LINGO2: variants seen among roughly 807,000 people sequenced by gnomAD.
LINGO2 encodes leucine-rich repeat and immunoglobulin-like domain-containing nogo receptor-interacting protein 2.
A neutral mutation model predicts 30.6 loss-of-function variants in LINGO2; 14 were observed. That is an observed-to-expected ratio of 0.46 (90% CI 0.30 to 0.72). The LOEUF (loss-of-function observed/expected upper bound fraction) is 0.72, where lower values mean the gene tolerates loss of function less well. LINGO2 is among the 30% of genes least tolerant of loss of function. The pLI, the probability that LINGO2 is intolerant of heterozygous loss-of-function variation, is 0.07. For synonymous variants in LINGO2, 317 were observed against 288.5 expected (o/e 1.10, Z -1.00); for missense variants, 729 against 751.7 (o/e 0.97, Z 0.35).
intron 1 of LINGO2, among the ~76,000 whole-genome samples, chr9:28,514,020 T>C (rs1820520219): frequency 6.6e-6 from 1 of 152,220 alleles, no homozygotes; most frequent in African/African-American, 2.4e-5. Context: ...TTCAGAACTA[T>C]TCATTATTAT....
the LINGO2 span, among the ~76,000 whole-genome samples, chr9:29,174,808 A>G: frequency 6.6e-6 from 1 of 152,242 alleles, no homozygotes; most frequent in Non-Finnish European, 1.5e-5. Context: ...GTCTACGTGC[A>G]CATGAAGAAC....
intron 1 of LINGO2, among the ~76,000 whole-genome samples, chr9:28,553,985 G>C (rs1587849710): frequency 6.6e-6 from 1 of 152,168 alleles, no homozygotes. Context: ...CCCTAAAAGA[G>C]CTGCTGAAGG....
the LINGO2 span, among the ~76,000 whole-genome samples, chr9:29,189,012 AC>A: frequency 2.9e-5 from 3 of 105,196 alleles, no homozygotes; most frequent in Admixed American, 9.8e-5. Flanking sequence ...CGGGGGGCTG[AC>A]CCCCCCACCT....
intron 4 of LINGO2, among the ~76,000 whole-genome samples, chr9:28,036,512 T>A (rs929917026): frequency 6.6e-6 from 1 of 152,160 alleles, no homozygotes; most frequent in Non-Finnish European, 1.5e-5. Context: ...TTTATCTGTC[T>A]AGAAGGAAGA....
chr9:27,982,354 A>G (rs1820920505), intron 5 of LINGO2, among the ~76,000 whole-genome samples: 1 of 151,904 alleles, frequency 6.6e-6, no homozygotes, highest in Non-Finnish European at 1.5e-5. Context: ...TTCAGAAGTA[A>G]ATCTGTGAGA....
the LINGO2 span, among the ~76,000 whole-genome samples, chr9:29,135,329 G>A: frequency 6.6e-6 from 1 of 152,050 alleles, no homozygotes; most frequent in African/African-American, 2.4e-5. Flanking sequence ...GGAGGCCAAA[G>A]CGAGCAGATC....
At chr9:28,682,791 G>A in the LINGO2 span, among the ~76,000 whole-genome samples, 1 of 151,926 alleles carries the variant, frequency 6.6e-6, no homozygotes, top group African/African-American at 2.4e-5. Flanking sequence ...TTTAATAAAA[G>A]GAATTTATGC....
intron 1 of LINGO2, among the ~76,000 whole-genome samples, chr9:28,525,821 C>T (rs1037890278): frequency 9.2e-5 from 14 of 151,942 alleles, no homozygotes; most frequent in Admixed American, 6.6e-5. Flanking sequence ...TTTGGGAGGC[C>T]AAGGTGGGCG....
At chr9:27,950,698 G>C (rs1261785311) in exon 6 of LINGO2, 3 of 1,487,410 alleles carry the variant, frequency 2.0e-6, no homozygotes, top group African/African-American at 1.4e-5. Flanking sequence ...CTACACCTTG[G>C]TCACGGGTCT....
downstream of LINGO2, among the ~76,000 whole-genome samples, chr9:27,947,042 C>A (rs1487124760): frequency 6.6e-6 from 1 of 152,084 alleles, no homozygotes; most frequent in Non-Finnish European, 1.5e-5. Context: ...AAGAAGCAAA[C>A]CCCAGAGACT....
intron 4 of LINGO2, among the ~76,000 whole-genome samples, chr9:28,102,601 T>TA (rs5897271): frequency 2.7e-5 from 4 of 149,940 alleles, no homozygotes; most frequent in Admixed American, 6.7e-5. Flanking sequence ...AAGGGGTTAT[T>TA]AAAAAAAAAA....
chr9:28,614,738 G>A (rs756847439), intron 1 of LINGO2, among the ~76,000 whole-genome samples: 2 of 152,090 alleles, frequency 1.3e-5, no homozygotes, highest in Non-Finnish European at 2.9e-5. Context: ...TATGCAGGAT[G>A]TATTAAGGTT....
the LINGO2 span, among the ~76,000 whole-genome samples, chr9:28,775,569 T>C: frequency 6.6e-6 from 1 of 152,210 alleles, no homozygotes; most frequent in African/African-American, 2.4e-5. Flanking sequence ...GCCTCAAACT[T>C]CCTGAACATT....
At chr9:28,320,674 C>G (rs1331923) in intron 3 of LINGO2, among the ~76,000 whole-genome samples, 20,610 of 152,162 alleles carry the variant, frequency 0.14, 1,728 homozygotes, top group East Asian at 0.26. Context: ...AGTTTAATGA[C>G]GGGAGCCAGA....
intron 3 of LINGO2, among the ~76,000 whole-genome samples, chr9:28,328,876 T>A (rs1247801841): frequency 6.6e-6 from 1 of 152,160 alleles, no homozygotes; most frequent in Non-Finnish European, 1.5e-5. Context: ...ATTCTGAAGA[T>A]TTATTGTTGA....
intron 1 of LINGO2, among the ~76,000 whole-genome samples, chr9:28,587,826 C>A (rs1255361921): frequency 6.6e-6 from 1 of 151,920 alleles, no homozygotes; most frequent in Non-Finnish European, 1.5e-5. Context: ...ATTTCCCCCT[C>A]CCTAACCCTA....
intron 1 of LINGO2, among the ~76,000 whole-genome samples, chr9:28,632,867 T>G (rs1163281967): frequency 5.2e-4 from 57 of 109,146 alleles, no homozygotes; most frequent in Non-Finnish European, 6.3e-4. Flanking sequence ...TATATATATA[T>G]ATATATATAT....
chr9:28,357,821 T>C (rs1015939882), intron 3 of LINGO2, among the ~76,000 whole-genome samples: 1 of 152,120 alleles, frequency 6.6e-6, no homozygotes, highest in Non-Finnish European at 1.5e-5. Flanking sequence ...ATTCTACAAA[T>C]TTTGTGCATG....
intron 5 of LINGO2, among the ~76,000 whole-genome samples, chr9:28,011,426 GAAT>G (rs1822549276): frequency 6.6e-6 from 1 of 152,138 alleles, no homozygotes; most frequent in Admixed American, 6.5e-5. Context: ...GAAAGAGTCA[GAAT>G]GCCTGACTTA....
Sources: gnomAD v4.1 joint callset for allele counts (sites outside exome capture counted in the v4.1 genomes callset) on GRCh38, gnomAD v4.1.1 for gene constraint, MANE v1.5 for transcripts, NCBI Gene and HGNC (gene_info 2026-07-23, HGNC 2026-07-21) for gene names.